ADAMTS15: variants seen among roughly 807,000 people sequenced by gnomAD.
ADAMTS15 encodes the protein A disintegrin and metalloproteinase with thrombospondin motifs 15.
ADAMTS15 carries 35 observed loss-of-function variants against 79.1 expected under a neutral mutation model. The observed-to-expected ratio is 0.44, with a 90% CI of 0.34 to 0.59. The LOEUF is 0.59. Ranked by LOEUF, ADAMTS15 falls within the 20% of genes least tolerant of loss-of-function variation. The pLI, the probability that ADAMTS15 is intolerant of heterozygous loss-of-function variation, is 0.02. For synonymous variants in ADAMTS15, 616 were observed against 567.3 expected (o/e 1.09, Z -1.22); for missense variants, 1,324 against 1,318.7 (o/e 1.00, Z -0.06).
At chr11:130,450,185 C>T (rs961955633) in intron 1 of ADAMTS15, 1 of 985,362 alleles carries the variant, frequency 1.0e-6, no homozygotes, top group African/African-American at 1.7e-5. Context: ...GGCCAATCAG[C>T]GCCTCCTGGA....
In ADAMTS15 at chr11:130,469,433, A is replaced by T. The variant is rs753495787; in HGVS notation, c.1714A>T (p.Ser572Cys). The part of the protein sequence containing the change: ...YRSCNLEPCP[S>C]SASGKSFREE... Reference sequence around the variant, plus strand: ...ATCCTGCAATCTGGAGCCCTGCCCCAGCTCAGGTGAGGTGGGGAGAGCAGT... The same window carrying T: ...ATCCTGCAATCTGGAGCCCTGCCCCTGCTCAGGTGAGGTGGGGAGAGCAGT... The change falls in exon 5 of 8, where the codon AGC becomes TGC. Residue 572 changes from serine to cysteine, a missense_variant. Transcript: ENST00000299164. 6 of 1,338,322 alleles carry T rather than the reference A, an allele frequency of 4.5e-6. No homozygotes were observed. The highest frequency in any genetic ancestry group is 5.8e-6 in the Non-Finnish European group (6 of 1,035,864). 82.9% of individuals were successfully genotyped at this position (1,338,322 alleles called of 1,614,324 possible). A position where few individuals can be genotyped will look rare whatever the true frequency, so the allele number is the denominator to read the frequency against.
In ADAMTS15 at chr11:130,462,773, A is replaced by G; in HGVS notation, c.1535A>G (p.Lys512Arg). 6.3e-7 allele frequency: 1 copy of G among 1,589,720 alleles called. No homozygotes were observed. Among genetic ancestry groups the G allele is most frequent in the Non-Finnish European group, 8.6e-7 (1 of 1,161,588 alleles). ...TGCGTGGAGAGACACAACCTCAACA[A>G]GCACAGGGTGAGTGAGTGCTGGAGC... Reference protein sequence around the residue: ...GACVERHNLNKHRVDGSWAKW... With the variant: ...GACVERHNLNRHRVDGSWAKW... The change falls in exon 4 of 8, where the codon AAG becomes AGG. Residue 512 changes from lysine to arginine, a missense_variant. Coordinates refer to ENST00000299164, the MANE Select transcript of ADAMTS15 (RefSeq NM_139055.4). The surrounding 1 kb of genome is among the most constrained non-coding windows in gnomAD (Gnocchi z 4.3).
intron 1 of ADAMTS15, among the ~76,000 whole-genome samples, chr11:130,456,627 AGC>A (rs1435068836): frequency 2.0e-5 from 3 of 152,246 alleles, no homozygotes; most frequent in Admixed American, 6.5e-5. Context: ...TAGTAATACT[AGC>A]GCAGGGTGCT....
chr11:130,474,917 C>T lies in ADAMTS15; in HGVS notation c.*1096C>T, dbSNP rs763436865. The T allele has an allele frequency of 2.0e-5, 3 of 152,398 alleles. No individual in the cohort carries two copies. The highest frequency in any genetic ancestry group is 4.8e-5 in the African/African-American group (2 of 41,452). The allele number at this position is 152,398 out of a possible 1,614,324, so 9.4% of individuals were successfully genotyped here. A position where few individuals can be genotyped will look rare whatever the true frequency, so the allele number is the denominator to read the frequency against. On this transcript the variant is annotated 3_prime_UTR_variant, in exon 8 of 8. Transcript: ENST00000299164. Reference sequence around the variant, plus strand: ...GGCTAGGTGCTGAACATCTATGTGCCTATAAACTCGTCTTCGTTCCAAACA... The same window carrying T: ...GGCTAGGTGCTGAACATCTATGTGCTTATAAACTCGTCTTCGTTCCAAACA...
At chr11:130,455,112 C>A (rs1274910313) in intron 1 of ADAMTS15, among the ~76,000 whole-genome samples, 1 of 152,176 alleles carries the variant, frequency 6.6e-6, no homozygotes. Context: ...TAACTTTCCT[C>A]ACTCTTAGAA....
rs1047549390 is a variant in ADAMTS15, at chr11:130,474,186, G to A, written c.*365G>A. 8.8e-6 allele frequency: 2 copies of A among 226,906 alleles called. No homozygotes were observed. Among genetic ancestry groups the A allele is most frequent in the Non-Finnish European group, 1.7e-5 (2 of 115,834 alleles). The allele number at this position is 226,906 out of a possible 1,614,324, so 14.1% of individuals were successfully genotyped here. On this transcript the variant is annotated 3_prime_UTR_variant, in exon 8 of 8. Coordinates refer to ENST00000299164, the MANE Select transcript of ADAMTS15 (RefSeq NM_139055.4). ...CCAGAACGGAGGCCACAGGCTGCTG[G>A]AAGAGCCATGTCCCAGCAGCTTGGC...
At chr11:130,470,152 GTGTATATATATATATATATATATATA>G (rs1938400853) in intron 5 of ADAMTS15, among the ~76,000 whole-genome samples, 2 of 73,764 alleles carry the variant, frequency 2.7e-5, no homozygotes, top group Non-Finnish European at 4.7e-5. Context: ...ATATATATAT[GTGTATATATATATATATATATATATA>G]TATGTGTGTA....
chr11:130,456,519 A>G (rs1024668613), intron 1 of ADAMTS15, among the ~76,000 whole-genome samples: 7 of 152,220 alleles, frequency 4.6e-5, no homozygotes, highest in African/African-American at 1.7e-4. Context: ...AGGCCCTCCC[A>G]TCCTTGGGGA....
Position 130,470,153 on chromosome 11 carries a change from T to TATATATATATAC in ADAMTS15, c.1720+714_1720+715insATATATATATAC, listed in dbSNP as rs1565397628. Among the ~76,000 whole-genome samples, 24 of 45,506 alleles carry TATATATATATAC rather than the reference T, an allele frequency of 5.3e-4. 1 individual carries two copies. The highest frequency in any genetic ancestry group is 1.8e-3 in the African/African-American group (17 of 9,236). 29.9% of individuals were successfully genotyped at this position (45,506 alleles called of 152,430 possible). On this transcript the variant is annotated intron_variant, in intron 5 of 7. Transcript: ENST00000299164. Reference sequence around the variant, plus strand: ...ATATACATATATATATATATATATGTGTATATATATATATATATATATATA... The same window carrying TATATATATATAC: ...ATATACATATATATATATATATATGTATATATATATACGTATATATATATATATATATATATA...
chr11:130,449,183 G>T lies in ADAMTS15; in HGVS notation c.210G>T (p.Pro70=). The T allele has an allele frequency of 6.2e-7, 1 of 1,612,268 alleles. No homozygotes were observed. The highest frequency in any genetic ancestry group is 1.7e-5 in the Admixed American group (1 of 59,882). The part of the protein sequence containing the change: ...FQEDFYLHLT[P]DAQFLAPAFS... The stretch of plus-strand genomic sequence containing the variant: ...AGGACTTTTACCTACACCTGACGCC[G>T]GATGCTCAGTTCTTGGCTCCCGCCT... Residue 70 remains proline, a synonymous_variant, in exon 1 of 8, where the codon CCG becomes CCT. Transcript: ENST00000299164. The surrounding 1 kb of genome is among the most constrained non-coding windows in gnomAD (Gnocchi z 7.8).
chr11:130,473,150 C>T lies in ADAMTS15; in HGVS notation c.2182C>T (p.Leu728=), dbSNP rs1938493848. The change falls in exon 8 of 8, where the codon CTG becomes TTG. Residue 728 remains leucine (L), a synonymous_variant. Coordinates refer to ENST00000299164, the MANE Select transcript of ADAMTS15 (RefSeq NM_139055.4). ...GATCGGGGATGACAACTACCTGGCTCTGAAGAACAGCCAAGGCAAGTACCT... is the reference window on the plus strand; with the variant it reads ...GATCGGGGATGACAACTACCTGGCTTTGAAGAACAGCCAAGGCAAGTACCT... ...GLIGDDNYLA[L]KNSQGKYLLN... is the part of the protein sequence containing the mutation. 1 of 1,614,142 alleles carries T rather than the reference C, an allele frequency of 6.2e-7. No homozygotes were observed. The highest frequency in any genetic ancestry group is 8.5e-7 in the Non-Finnish European group (1 of 1,180,052).
chr11:130,449,328 C>G lies in ADAMTS15; in HGVS notation c.355C>G (p.Leu119Val). ...AEPDSFAAVS[L>V]CGGLRGAFGY... Reference sequence around the variant, plus strand: ...GCCGGACTCGTTCGCTGCTGTGAGCCTGTGCGGGGGGCTCCGCGGAGCCTT... The same window carrying G: ...GCCGGACTCGTTCGCTGCTGTGAGCGTGTGCGGGGGGCTCCGCGGAGCCTT... The change falls in exon 1 of 8, where the codon CTG becomes GTG. Residue 119 changes from leucine (L) to valine (V), a missense_variant. Leu to Val is a conservative substitution (Grantham distance 32). Coordinates refer to ENST00000299164, the MANE Select transcript of ADAMTS15 (RefSeq NM_139055.4). This position sits in a 1 kb window ranked among gnomAD's most constrained non-coding sequence, Gnocchi z 7.8. The G allele has an allele frequency of 6.2e-7, 1 of 1,609,634 alleles. No individual in the cohort carries two copies. Among genetic ancestry groups the G allele is most frequent in the East Asian group, 2.2e-5 (1 of 44,866 alleles).
At chr11:130,469,506 C>G (rs1025820361) in intron 5 of ADAMTS15, 67 bp downstream of exon 5, 23 of 1,214,294 alleles carry the variant, frequency 1.9e-5, no homozygotes, top group Middle Eastern at 5.7e-4. Context: ...CCCCACCCCA[C>G]CCCTACTCCA....
rs889121390 is a variant in ADAMTS15, at chr11:130,474,224, C to A, written c.*403C>A. ...CCAGCAGCTTGGCACCCTCAGGTGG[C>A]CCCATGGGCTCTGAGCCGTGTCTGA... On this transcript the variant is annotated 3_prime_UTR_variant, in exon 8 of 8. Coordinates refer to ENST00000299164, the MANE Select transcript of ADAMTS15 (RefSeq NM_139055.4). 8 of 197,696 alleles carry A rather than the reference C, an allele frequency of 4.0e-5. No individual in the cohort carries two copies. The highest frequency in any genetic ancestry group is 8.2e-5 in the Non-Finnish European group (8 of 97,142). 12.2% of individuals were successfully genotyped at this position (197,696 alleles called of 1,614,324 possible).
At position 130,461,042 on chromosome 11, in the gene ADAMTS15, A is replaced by G. The variant is rs536109175; in HGVS notation, c.958-447A>G. ...CTTAATTCATGGTTGGCCAAAAGGC[A>G]GCCCAGCAAAGACCGAGGCTGCTCG... On this transcript the variant is annotated intron_variant, in intron 1 of 7. Transcript: ENST00000299164. Among the ~76,000 whole-genome samples, 3 of 152,330 alleles carry G rather than the reference A, an allele frequency of 2.0e-5. No individual in the cohort carries two copies. The South Asian group carries it at 6.2e-4, about 32-fold the overall frequency.
At chr11:130,468,319 G>A (rs1938345173) in intron 4 of ADAMTS15, among the ~76,000 whole-genome samples, 2 of 152,208 alleles carry the variant, frequency 1.3e-5, no homozygotes, top group South Asian at 4.1e-4. Flanking sequence ...GGGTGCTGTG[G>A]TGTGGGCAGA....
In ADAMTS15 at chr11:130,470,975, C is replaced by T. The variant is rs1938439855; in HGVS notation, c.1776C>T (p.His592=). ...EQCEAFNGYN[H]STNRLTLAVA... is the part of the protein sequence containing the mutation. Reference sequence around the variant, plus strand: ...GTGAGGCTTTCAACGGCTACAACCACAGCACCAACCGGCTCACTCTCGCCG... The same window carrying T: ...GTGAGGCTTTCAACGGCTACAACCATAGCACCAACCGGCTCACTCTCGCCG... Residue 592 remains histidine (H), a synonymous_variant, in exon 6 of 8, where the codon CAC becomes CAT. Transcript: ENST00000299164. 2 of 1,613,808 alleles carry T rather than the reference C, an allele frequency of 1.2e-6. No homozygotes were observed. The highest frequency in any genetic ancestry group is 1.3e-5 in the African/African-American group (1 of 74,948).
chr11:130,449,942 T>A lies in ADAMTS15; in HGVS notation c.957+12T>A. On this transcript the variant is annotated intron_variant, in intron 1 of 7. Coordinates refer to ENST00000299164, the MANE Select transcript of ADAMTS15 (RefSeq NM_139055.4). The surrounding 1 kb of genome is among the most constrained non-coding windows in gnomAD (Gnocchi z 7.8). ...TCTTCACCAGGCAGGTGAGTTGATC[T>A]GCCGTCACTTTGCACCCAGATAGTC... The A allele has an allele frequency of 6.3e-7, 1 of 1,595,974 alleles. No individual in the cohort carries two copies. The highest frequency in any genetic ancestry group is 8.5e-7 in the Non-Finnish European group (1 of 1,177,088).
At position 130,475,855 on chromosome 11, in the gene ADAMTS15, G is replaced by C. The variant is rs535311627; in HGVS notation, c.*2034G>C. ...GTGCACTCCCTCCTTCAGGAGGAGA[G>C]GGTGGCATGGGGTCTGTGCGGGATG... On this transcript the variant is annotated 3_prime_UTR_variant, in exon 8 of 8. Transcript: ENST00000299164. 1 of 152,086 alleles carries C rather than the reference G, an allele frequency of 6.6e-6. No homozygotes were observed. The highest frequency in any genetic ancestry group is 2.1e-4 in the South Asian group (1 of 4,792). 9.4% of individuals were successfully genotyped at this position (152,086 alleles called of 1,614,324 possible). A position where few individuals can be genotyped will look rare whatever the true frequency, so the allele number is the denominator to read the frequency against.
Sources: allele counts gnomAD v4.1 joint callset (sites outside exome capture counted in the v4.1 genomes callset), GRCh38; gene constraint gnomAD v4.1.1; non-coding constraint Gnocchi (gnomAD v3.1); transcripts MANE v1.5; gene names NCBI Gene and HGNC (gene_info 2026-07-23, HGNC 2026-07-21).